The following FRMD8 variants were observed in gnomAD, a reference collection of about 807,000 sequenced individuals.
FRMD8 encodes the protein FERM domain containing 8.
FRMD8 carries 37 observed loss-of-function variants against 54.2 expected under a neutral mutation model. That is an observed-to-expected ratio of 0.68 (90% CI 0.53 to 0.90). The LOEUF (loss-of-function observed/expected upper bound fraction) is 0.90. Among genes scored for constraint, FRMD8 ranks in the 40% least tolerant of loss-of-function variants. The pLI is 0.00. For missense variants in FRMD8, 585 were observed against 653.7 expected, an observed-to-expected ratio of 0.89 and a Z score of 1.15; for synonymous variants, 246 against 286.9, an observed-to-expected ratio of 0.86 and a Z score of 1.44.
rs769069315 is a variant in FRMD8, at chr11:65,389,486, G to A, written c.211G>A (p.Ala71Thr). The A allele has an allele frequency of 1.1e-5, 18 of 1,607,440 alleles. No homozygotes were observed. In the South Asian group the frequency reaches 1.3e-4, roughly 12 times the overall value. Residue 71 changes from alanine to threonine, a missense_variant, in exon 3 of 11, where the codon GCC becomes ACC. Transcript: ENST00000317568. Reference protein sequence around the residue: ...VREVLQLPDIALDVFALWLVS... With the variant: ...VREVLQLPDITLDVFALWLVS... Reference sequence around the variant, plus strand: ...CGAGGTCCTGCAGCTTCCAGACATCGCCCTGGATGTCTTCGCGCTCTGGCT... The same window carrying A: ...CGAGGTCCTGCAGCTTCCAGACATCACCCTGGATGTCTTCGCGCTCTGGCT...
chr11:65,373,335 T>TGAC, the FRMD8 span, among the ~76,000 whole-genome samples: 9 of 152,218 alleles, frequency 5.9e-5, no homozygotes, highest in African/African-American at 2.2e-4. Context: ...ACCTTGTGTT[T>TGAC]TCCATAGGAG....
chr11:65,412,359 C>T lies in FRMD8; in HGVS notation c.*999C>T, dbSNP rs1472351027. The T allele has an allele frequency of 6.6e-6, 1 of 152,300 alleles. No homozygotes were observed. Among genetic ancestry groups the T allele is most frequent in the South Asian group, 2.1e-4 (1 of 4,838 alleles). The allele number at this position is 152,300 out of a possible 1,614,324, so 9.4% of individuals were successfully genotyped here. A position where few individuals can be genotyped will look rare whatever the true frequency, so the allele number is the denominator to read the frequency against. ...GCCCTGGGTACCTCTGCTGTGCGCT[C>T]CTTCCCAGGTGGCGCCATGGATTCC... On this transcript the variant is annotated 3_prime_UTR_variant, in exon 11 of 11. Coordinates refer to ENST00000317568, the MANE Select transcript of FRMD8 (RefSeq NM_031904.5).
chr11:65,379,419 T>C, the FRMD8 span: 1 of 1,612,918 alleles, frequency 6.2e-7, no homozygotes, highest in Non-Finnish European at 8.5e-7. Context: ...GATGTGCATG[T>C]AGCTGGGCGG....
chr11:65,385,354 G>A (rs1855713028), upstream of FRMD8, among the ~76,000 whole-genome samples: 2 of 152,166 alleles, frequency 1.3e-5, no homozygotes, highest in Non-Finnish European at 2.9e-5. Flanking sequence ...CAGCTGTGGG[G>A]CAGTGTGGAT....
intron 6 of FRMD8, among the ~76,000 whole-genome samples, chr11:65,395,856 C>T (rs1249157450): frequency 6.6e-6 from 1 of 152,248 alleles, no homozygotes; most frequent in African/African-American, 2.4e-5. Context: ...TGCTCTGAAA[C>T]CCTCCTGCTG....
intron 2 of FRMD8, 122 bp downstream of exon 2, chr11:65,387,243 T>C: frequency 1.1e-6 from 1 of 876,482 alleles, no homozygotes; most frequent in Non-Finnish European, 1.9e-6. Flanking sequence ...AATAATAAGG[T>C]ACATTCAGAT....
At chr11:65,395,431 C>T (rs1202338144) in intron 6 of FRMD8, among the ~76,000 whole-genome samples, 1 of 149,408 alleles carries the variant, frequency 6.7e-6, no homozygotes, top group African/African-American at 2.5e-5. Context: ...CCCAGCTACT[C>T]GGGAGGCTGA....
rs1227625139 is a variant in FRMD8 at position 65,412,056 on chromosome 11, G to A, written c.*696G>A. ...CTGGGGTCCTGTGCCCCTCGTTCTG[G>A]TCTCCTTTGCAGGCACGAGATACCA... On this transcript the variant is annotated 3_prime_UTR_variant, in exon 11 of 11. Coordinates refer to ENST00000317568, the MANE Select transcript of FRMD8 (RefSeq NM_031904.5). The A allele has an allele frequency of 6.6e-6, 1 of 152,180 alleles. No homozygotes were observed. The highest frequency in any genetic ancestry group is 1.5e-5 in the Non-Finnish European group (1 of 68,034). The allele number at this position is 152,180 out of a possible 1,614,324, so 9.4% of individuals were successfully genotyped here.
Position 65,394,407 on chromosome 11 carries a change from C to T in FRMD8, c.563C>T (p.Pro188Leu), listed in dbSNP as rs189266113. 1.8e-4 allele frequency: 287 copies of T among 1,567,610 alleles called. 1 individual carries two copies. The African/African-American group carries it at 3.5e-3, about 19-fold the overall frequency. ...CTTGGGCCCTACCAGCCCGGCCGGC[C>T]GGCAGCCTGCGACCTGAGGTGAGGG... ...VQLGPYQPGR[P>L]AACDLREKLD... is the part of the protein sequence containing the mutation. Residue 188 changes from proline (P) to leucine (L), a missense_variant, in exon 6 of 11, where the codon CCG (proline) becomes CTG (leucine). Transcript: ENST00000317568.
upstream of FRMD8, chr11:65,381,750 G>A: frequency 1.3e-6 from 1 of 775,612 alleles, no homozygotes; most frequent in Non-Finnish European, 2.3e-6. Flanking sequence ...AGAGACAGGG[G>A]CCTCCCTATG....
At position 65,400,837 on chromosome 11, in the gene FRMD8, C is replaced by T; in HGVS notation, c.1041C>T (p.Val347=). Residue 347 remains valine, a synonymous_variant, in exon 9 of 11, where the codon GTC becomes GTT. Coordinates refer to ENST00000317568, the MANE Select transcript of FRMD8 (RefSeq NM_031904.5). The surrounding 1 kb of genome is among the most constrained non-coding windows in gnomAD (Gnocchi z 4.3). ...EFDGDSEGTP[V]NKLLKIYSKQ... ...ACGGGGACAGCGAGGGCACACCTGT[C>T]AACAAGCTCCTCAAGATCTACTCCA... 1 of 1,612,014 alleles carries T rather than the reference C, an allele frequency of 6.2e-7. No individual in the cohort carries two copies. The highest frequency in any genetic ancestry group is 1.1e-5 in the South Asian group (1 of 90,588).
chr11:65,379,233 G>C, the FRMD8 span: 3 of 919,642 alleles, frequency 3.3e-6, no homozygotes, highest in Non-Finnish European at 4.9e-6. Flanking sequence ...CCTGCAGCCT[G>C]GAAGGCCATA....
intron 10 of FRMD8, among the ~76,000 whole-genome samples, chr11:65,408,802 G>A (rs931347150): frequency 3.3e-5 from 5 of 151,802 alleles, no homozygotes; most frequent in African/African-American, 4.8e-5. Context: ...TCAAGGCAGC[G>A]TCTCACTATG....
chr11:65,376,341 C>G, the FRMD8 span: 27 of 1,565,516 alleles, frequency 1.7e-5, no homozygotes, highest in African/African-American at 2.7e-4. Flanking sequence ...TTCAACCTGG[C>G]CTCCAATCTC....
chr11:65,377,965 TG>T, the FRMD8 span: 1 of 152,368 alleles, frequency 6.6e-6, no homozygotes, highest in South Asian at 2.1e-4. Context: ...CGACGGGGGC[TG>T]GCGGTCGCCT....
At chr11:65,379,217 C>G in the FRMD8 span, 3 of 783,000 alleles carry the variant, frequency 3.8e-6, no homozygotes, top group Admixed American at 2.9e-5. Context: ...AGCCCTCCCC[C>G]AGAGGCCTGC....
chr11:65,377,708 C>T, the FRMD8 span: 1 of 152,860 alleles, frequency 6.5e-6, no homozygotes, highest in Non-Finnish European at 1.5e-5. Context: ...AGATGCTACA[C>T]AGATTTGGGA....
intron 5 of FRMD8, 32 bp downstream of exon 5, chr11:65,394,131 C>T: frequency 6.2e-7 from 1 of 1,608,980 alleles, no homozygotes; most frequent in Non-Finnish European, 8.5e-7. Flanking sequence ...CCCCACCAGG[C>T]CTGGCCCCTT....
At chr11:65,387,930 G>A (rs556046573) in intron 2 of FRMD8, among the ~76,000 whole-genome samples, 3 of 152,202 alleles carry the variant, frequency 2.0e-5, no homozygotes, top group East Asian at 1.9e-4. Context: ...TTGGGAGGCC[G>A]AGGCGGGTGG....
Sources: allele counts gnomAD v4.1 joint callset (sites outside exome capture counted in the v4.1 genomes callset), GRCh38; gene constraint gnomAD v4.1.1; non-coding constraint Gnocchi (gnomAD v3.1); transcripts MANE v1.5; gene names NCBI Gene and HGNC (gene_info 2026-07-23, HGNC 2026-07-21).